Variants in TRIM33 observed in about 807,000 individuals in gnomAD.
The protein encoded by TRIM33 is E3 ubiquitin-protein ligase TRIM33.
A neutral mutation model predicts 125.4 loss-of-function variants in TRIM33; 20 were observed. That is an observed-to-expected ratio of 0.16 (90% CI 0.11 to 0.23). The LOEUF is 0.23. Among genes scored for constraint, TRIM33 ranks in the 10% least tolerant of loss-of-function variants. The pLI, the probability that TRIM33 is intolerant of heterozygous loss-of-function variation, is 1.00. For missense variants in TRIM33, 920 were observed against 1,411.4 expected, an observed-to-expected ratio of 0.65 and a Z score of 5.58; for synonymous variants, 564 against 513.9, an observed-to-expected ratio of 1.10 and a Z score of -1.32.
At chr1:114,406,861 T>G (rs993547808) in intron 14 of TRIM33, 80 bp downstream of exon 14, 1 of 1,367,266 alleles carries the variant, frequency 7.3e-7, no homozygotes, top group Non-Finnish European at 1.0e-6. Flanking sequence ...GACCCACTAC[T>G]TAGTCTTAAT....
In TRIM33 at chr1:114,405,753, T is replaced by C. The variant is rs1245697059; in HGVS notation, c.2425A>G (p.Ser809Gly). 4 of 1,600,694 alleles carry C rather than the reference T, an allele frequency of 2.5e-6. No homozygotes were observed. The highest frequency in any genetic ancestry group is 3.4e-6 in the Non-Finnish European group (4 of 1,174,704). Residue 809 changes from serine to glycine, a missense_variant, in exon 15 of 20, where the codon AGT (serine) becomes GGT (glycine). Around this residue, in one of 8 missense-constraint regions of TRIM33, gnomAD observed 407 missense variants for 589.7 expected, o/e 0.69. Coordinates refer to ENST00000358465, the MANE Select transcript of TRIM33 (RefSeq NM_015906.4). ...DGRRSACMLS[S>G]PESSLTPPLS... ...GGTGGTGTCAAGCTACTCTCAGGAC[T>C]GCTCAACTAAAACAAAACGATGACA...
chr1:114,510,882 C>A lies in TRIM33; in HGVS notation c.195G>T (p.Gly65=), dbSNP rs1030825148. 8.3e-6 allele frequency: 12 copies of A among 1,451,672 alleles called. No homozygotes were observed. The Admixed American group carries it at 1.6e-4, about 19-fold the overall frequency. The allele number at this position is 1,451,672 out of a possible 1,614,324, so 89.9% of individuals were successfully genotyped here. ...AEGGAAGPDD[G]GVAAASSGSA... ...AGCCCGAGGAGGCCGCGGCCACCCC[C>A]CCGTCGTCGGGCCCGGCCGCGCCGC... The change falls in exon 1 of 20, where the codon GGG becomes GGT. Residue 65 remains glycine, a synonymous_variant. Coordinates refer to ENST00000358465, the MANE Select transcript of TRIM33 (RefSeq NM_015906.4).
At chr1:114,508,764 TTAC>T (rs1163857677) in intron 1 of TRIM33, among the ~76,000 whole-genome samples, 9 of 152,244 alleles carry the variant, frequency 5.9e-5, no homozygotes, top group Middle Eastern at 6.8e-3. Flanking sequence ...CCACTATTAG[TTAC>T]TACTATTAAT....
Position 114,395,980 on chromosome 1 carries a change from G to A in TRIM33, c.*1668C>T, listed in dbSNP as rs1651523466. ...TGCATTAAAAAATATTGACCTCTTA[G>A]ACAATTACGTGAAATAATTTTCTGA... On this transcript the variant is annotated 3_prime_UTR_variant, in exon 20 of 20. Transcript: ENST00000358465. The A allele has an allele frequency of 5.1e-6, 1 of 194,672 alleles. No individual in the cohort carries two copies. 12.1% of individuals were successfully genotyped at this position (194,672 alleles called of 1,614,324 possible).
chr1:114,460,717 T>C (rs1336868122), intron 4 of TRIM33, among the ~76,000 whole-genome samples: 1 of 151,732 alleles, frequency 6.6e-6, no homozygotes, highest in Non-Finnish European at 1.5e-5. Flanking sequence ...CCAGCCTTAC[T>C]AGGAAAGTAA....
intron 1 of TRIM33, among the ~76,000 whole-genome samples, chr1:114,487,903 C>CAAAAAAAA (rs573681532): frequency 2.7e-5 from 1 of 36,634 alleles, no homozygotes; most frequent in Admixed American, 3.8e-4. Context: ...GACTCCGTCT[C>CAAAAAAAA]AAAAAAAAAA....
chr1:114,456,253 C>T (rs977405194), intron 4 of TRIM33, among the ~76,000 whole-genome samples: 6 of 152,162 alleles, frequency 3.9e-5, no homozygotes, highest in Non-Finnish European at 2.9e-5. Flanking sequence ...TTAGGAACCA[C>T]CAGAACCACC....
intron 14 of TRIM33, among the ~76,000 whole-genome samples, chr1:114,406,084 CA>C (rs1351513817): frequency 6.6e-6 from 1 of 152,180 alleles, no homozygotes; most frequent in African/African-American, 2.4e-5. Flanking sequence ...CCCCTTTTCA[CA>C]CCCAGAATCT....
intron 1 of TRIM33, chr1:114,469,245 C>A (rs1650492636): frequency 1.0e-5 from 2 of 200,670 alleles, no homozygotes; most frequent in South Asian, 2.3e-4. Flanking sequence ...TCCAGACTGT[C>A]ATGGGCAAGC....
chr1:114,456,143 G>T (rs1649606586), intron 4 of TRIM33, among the ~76,000 whole-genome samples: 1 of 152,202 alleles, frequency 6.6e-6, no homozygotes, highest in African/African-American at 2.4e-5. Context: ...ATGTACTATT[G>T]GGATAGACAG....
intron 11 of TRIM33, among the ~76,000 whole-genome samples, chr1:114,419,413 G>A (rs1653143231): frequency 6.6e-6 from 1 of 152,074 alleles, no homozygotes; most frequent in Non-Finnish European, 1.5e-5. Flanking sequence ...CCGTCAGGCG[G>A]TTATACGAAC....
chr1:114,416,473 A>T (rs1652951506), intron 11 of TRIM33, among the ~76,000 whole-genome samples: 1 of 152,232 alleles, frequency 6.6e-6, no homozygotes, highest in South Asian at 2.1e-4. Context: ...ACTTAGTATA[A>T]TCAAAAGCTA....
At chr1:114,449,163 T>TTA in intron 4 of TRIM33, among the ~76,000 whole-genome samples, 1 of 150,670 alleles carries the variant, frequency 6.6e-6, no homozygotes, top group South Asian at 2.1e-4. Flanking sequence ...AAGAATGGTC[T>TTA]AAAAAAAACA....
intron 5 of TRIM33, among the ~76,000 whole-genome samples, chr1:114,432,699 T>C (rs1422505091): frequency 3.3e-5 from 5 of 152,182 alleles, no homozygotes. Context: ...GGCAGGAGAA[T>C]GGCGTGAACC....
intron 4 of TRIM33, among the ~76,000 whole-genome samples, chr1:114,462,528 G>A (rs1035804520): frequency 6.6e-6 from 1 of 152,152 alleles, no homozygotes; most frequent in African/African-American, 2.4e-5. Context: ...GAAATTTACT[G>A]AAGGATATTG....
chr1:114,410,379 T>C (rs1481323436), intron 11 of TRIM33, 63 bp from the exon 12 acceptor site: 4 of 1,496,272 alleles, frequency 2.7e-6, no homozygotes, highest in Non-Finnish European at 3.6e-6. Context: ...ATTAATTTTA[T>C]GTCACTGCTT....
chr1:114,425,520 G>A lies in TRIM33; in HGVS notation c.1624C>T (p.Pro542Ser). The change falls in exon 9 of 20, where the codon CCT becomes TCT. Residue 542 changes from proline to serine, a missense_variant. Physicochemically the swap from Pro to Ser is moderately conservative, Grantham distance 74. This residue lies in a region of TRIM33 where 407 missense variants were observed against 589.7 expected (regional missense o/e 0.69). Transcript: ENST00000358465. ...QQMRMQQPPA[P>S]VPTTTTTTQQ... Reference sequence around the variant, plus strand: ...GTTGTTGTTGTTGTAGTTGGTACAGGTGCTGGTGGTTGCTGCATCCTCATC... The same window carrying A: ...GTTGTTGTTGTTGTAGTTGGTACAGATGCTGGTGGTTGCTGCATCCTCATC... 1 of 1,614,122 alleles carries A rather than the reference G, an allele frequency of 6.2e-7. No individual in the cohort carries two copies. Among genetic ancestry groups the A allele is most frequent in the Non-Finnish European group, 8.5e-7 (1 of 1,180,024 alleles).
Position 114,394,669 on chromosome 1 carries a change from C to G in TRIM33, c.*2979G>C, listed in dbSNP as rs548951655. On this transcript the variant is annotated 3_prime_UTR_variant, in exon 20 of 20. Coordinates refer to ENST00000358465, the MANE Select transcript of TRIM33 (RefSeq NM_015906.4). ...AATAATTTCAATAGTGGATCCAATGCCTTATCATTTCTCTGTAGTAATGGT... is the reference window on the plus strand; with the variant it reads ...AATAATTTCAATAGTGGATCCAATGGCTTATCATTTCTCTGTAGTAATGGT... 5.0e-6 allele frequency: 1 copy of G among 202,020 alleles called. No homozygotes were observed. The highest frequency in any genetic ancestry group is 1.9e-4 in the South Asian group (1 of 5,258). The allele number at this position is 202,020 out of a possible 1,614,324, so 12.5% of individuals were successfully genotyped here. A position where few individuals can be genotyped will look rare whatever the true frequency, so the allele number is the denominator to read the frequency against.
chr1:114,423,725 C>G (rs1647354221), intron 10 of TRIM33, among the ~76,000 whole-genome samples: 1 of 152,034 alleles, frequency 6.6e-6, no homozygotes, highest in Admixed American at 6.6e-5. Context: ...TTAAAAAGCT[C>G]TTTCTGGGCG....
Sources: allele counts gnomAD v4.1 joint callset (sites outside exome capture counted in the v4.1 genomes callset), GRCh38; gene constraint gnomAD v4.1.1; regional missense constraint gnomAD v4.1.1; transcripts MANE v1.5; gene names NCBI Gene and HGNC (gene_info 2026-07-23, HGNC 2026-07-21).